Variants in AGBL4 observed in about 807,000 individuals in gnomAD.
AGBL4 encodes the protein cytosolic carboxypeptidase 6.
In AGBL4, 58 loss-of-function variants were observed where a neutral mutation model predicts 66.4. The ratio of observed to expected loss-of-function variants is 0.87; its 90% CI spans 0.71 to 1.09. AGBL4 has a LOEUF of 1.09. Among genes scored for constraint, AGBL4 ranks in the 50% least tolerant of loss-of-function variants. The probability of loss-of-function intolerance (pLI) is 0.00; values close to 1 mark genes in which losing one functional copy is unlikely to be tolerated. For missense variants in AGBL4, 579 were observed against 631.0 expected (o/e 0.92, Z 0.88); for synonymous variants, 234 against 222.9 (o/e 1.05, Z -0.44).
At chr1:48,751,909 A>C (rs1651799580) in intron 6 of AGBL4, among the ~76,000 whole-genome samples, 1 of 152,188 alleles carries the variant, frequency 6.6e-6, no homozygotes, top group Non-Finnish European at 1.5e-5. Flanking sequence ...TTTTAAAATA[A>C]TCTGGGATTA....
intron 3 of AGBL4, among the ~76,000 whole-genome samples, chr1:49,505,581 C>G (rs967468398): frequency 2.0e-5 from 3 of 151,892 alleles, no homozygotes; most frequent in African/African-American, 7.2e-5. Flanking sequence ...GAGTTTCTGC[C>G]TCTAGCATTA....
chr1:49,916,459 C>A (rs550045174), intron 1 of AGBL4, among the ~76,000 whole-genome samples: 1 of 152,166 alleles, frequency 6.6e-6, no homozygotes, highest in East Asian at 1.9e-4. Context: ...GTAACCAATT[C>A]GATCAACTCA....
intron 6 of AGBL4, among the ~76,000 whole-genome samples, chr1:48,823,274 G>C (rs1266514660): frequency 2.0e-5 from 3 of 152,176 alleles, no homozygotes; most frequent in Non-Finnish European, 4.4e-5. Flanking sequence ...GGTTCCCTCT[G>C]TTATGTCTAA....
chr1:49,907,127 G>A (rs1438284473), intron 1 of AGBL4, among the ~76,000 whole-genome samples: 1 of 152,052 alleles, frequency 6.6e-6, no homozygotes, highest in Non-Finnish European at 1.5e-5. Flanking sequence ...TATCATATGA[G>A]TTGAATTATA....
intron 5 of AGBL4, among the ~76,000 whole-genome samples, chr1:48,926,516 T>C (rs1439151489): frequency 6.6e-6 from 1 of 151,700 alleles, no homozygotes; most frequent in Non-Finnish European, 1.5e-5. Context: ...CTCAAACTCC[T>C]GACCTCAATT....
chr1:48,665,064 T>C (rs928533828), intron 6 of AGBL4, among the ~76,000 whole-genome samples: 1 of 152,222 alleles, frequency 6.6e-6, no homozygotes, highest in Admixed American at 6.5e-5. Flanking sequence ...TTAACCCTAT[T>C]AAACCTGGTT....
chr1:48,627,671 T>C (rs773646270), intron 9 of AGBL4, among the ~76,000 whole-genome samples: 1 of 151,950 alleles, frequency 6.6e-6, no homozygotes, highest in African/African-American at 2.4e-5. Context: ...CCTTAAATGA[T>C]TTAAGGAAAC....
chr1:48,712,800 C>T (rs1020870335), intron 6 of AGBL4, among the ~76,000 whole-genome samples: 1 of 152,186 alleles, frequency 6.6e-6, no homozygotes, highest in Non-Finnish European at 1.5e-5. Context: ...TCAAATTGAC[C>T]TTGTCAGTGT....
chr1:49,462,484 G>T (rs1006913357), intron 3 of AGBL4, among the ~76,000 whole-genome samples: 5 of 151,718 alleles, frequency 3.3e-5, no homozygotes, highest in African/African-American at 1.2e-4. Flanking sequence ...GACTGTTGGT[G>T]TATCCTTAGA....
chr1:48,692,862 G>A (rs1049216023), intron 6 of AGBL4, among the ~76,000 whole-genome samples: 2 of 152,172 alleles, frequency 1.3e-5, no homozygotes, highest in Non-Finnish European at 1.5e-5. Context: ...TAAGAAGCCC[G>A]CAATACCACC....
chr1:49,767,581 C>CA (rs1244590018), intron 2 of AGBL4, among the ~76,000 whole-genome samples: 1 of 150,676 alleles, frequency 6.6e-6, no homozygotes, highest in Non-Finnish European at 1.5e-5. Flanking sequence ...ACAACATAAG[C>CA]GGAAAAAAAA....
chr1:49,932,500 T>C (rs1653472475), intron 1 of AGBL4, among the ~76,000 whole-genome samples: 1 of 152,070 alleles, frequency 6.6e-6, no homozygotes, highest in South Asian at 2.1e-4. Flanking sequence ...AAGAAATTGA[T>C]AAACTGGACT....
At chr1:48,811,318 T>C (rs746395880) in intron 6 of AGBL4, among the ~76,000 whole-genome samples, 22 of 152,242 alleles carry the variant, frequency 1.4e-4, no homozygotes, top group Admixed American at 3.3e-4. Context: ...CTGGGACAGA[T>C]TGGGGAGGAG....
At chr1:49,220,853 T>C (rs1377581505) in intron 4 of AGBL4, among the ~76,000 whole-genome samples, 1 of 152,178 alleles carries the variant, frequency 6.6e-6, no homozygotes, top group Non-Finnish European at 1.5e-5. Context: ...AGGTTTGCTG[T>C]GCTATGAAGA....
intron 4 of AGBL4, among the ~76,000 whole-genome samples, chr1:49,190,998 T>G (rs982305786): frequency 1.3e-5 from 2 of 152,214 alleles, no homozygotes; most frequent in Admixed American, 6.6e-5. Context: ...AATTGGATGC[T>G]CTGACATCTT....
chr1:48,625,606 G>A (rs1645490987), intron 9 of AGBL4, among the ~76,000 whole-genome samples: 1 of 152,158 alleles, frequency 6.6e-6, no homozygotes, highest in Admixed American at 6.5e-5. Flanking sequence ...AGAAATTCCA[G>A]GAGACGAGCA....
chr1:49,873,626 TCTC>T (rs774605268), intron 1 of AGBL4, among the ~76,000 whole-genome samples: 27 of 152,118 alleles, frequency 1.8e-4, no homozygotes, highest in Non-Finnish European at 3.5e-4. Flanking sequence ...AATTGACTAT[TCTC>T]CTACCTGCTC....
At chr1:49,948,576 TATATATAG>T (rs1655767966) in intron 1 of AGBL4, among the ~76,000 whole-genome samples, 2 of 124,996 alleles carry the variant, frequency 1.6e-5, no homozygotes, top group South Asian at 2.3e-4. Flanking sequence ...TATATATATA[TATATATAG>T]AGAGAGAGAG....
intron 3 of AGBL4, among the ~76,000 whole-genome samples, chr1:49,343,506 C>T (rs1308043134): frequency 6.6e-6 from 1 of 152,166 alleles, no homozygotes; most frequent in Non-Finnish European, 1.5e-5. Flanking sequence ...TTTTAGCCAC[C>T]TGGAAAGTAT....
Sources: allele counts gnomAD v4.1 joint callset (sites outside exome capture counted in the v4.1 genomes callset), GRCh38; gene constraint gnomAD v4.1.1; transcripts MANE v1.5; gene names NCBI Gene and HGNC (gene_info 2026-07-23, HGNC 2026-07-21).